Variants in EPHA3 observed in about 807,000 individuals in gnomAD.
The protein encoded by EPHA3 is EPH receptor A3.
EPHA3 carries 42 observed loss-of-function variants against 107.1 expected under a neutral mutation model. That is an observed-to-expected ratio of 0.39 (90% CI 0.31 to 0.51). The LOEUF is 0.51. EPHA3 is among the 20% of genes least tolerant of loss of function. EPHA3 has a pLI of 0.78. For synonymous variants in EPHA3, 461 were observed against 424.8 expected (o/e 1.09, Z -1.05); for missense variants, 1,183 against 1,211.2 (o/e 0.98, Z 0.35).
intron 5 of EPHA3, among the ~76,000 whole-genome samples, chr3:89,346,696 C>A (rs1707664947): frequency 6.6e-6 from 1 of 150,842 alleles, no homozygotes; most frequent in South Asian, 2.1e-4. Context: ...CTTGCCCATG[C>A]CTATGTCCTG....
At chr3:89,156,512 A>G (rs1467084131) in intron 2 of EPHA3, among the ~76,000 whole-genome samples, 1 of 151,936 alleles carries the variant, frequency 6.6e-6, no homozygotes, top group African/African-American at 2.4e-5. Context: ...CTTTTGGCAA[A>G]ATTCAGTCTA....
chr3:89,274,556 T>C (rs1017045622), intron 3 of EPHA3, among the ~76,000 whole-genome samples: 3 of 151,970 alleles, frequency 2.0e-5, no homozygotes, highest in Admixed American at 6.6e-5. Context: ...CTGAAAGCCA[T>C]AGATTTATGT....
intron 2 of EPHA3, among the ~76,000 whole-genome samples, chr3:89,206,580 A>G (rs1461842088): frequency 6.6e-6 from 1 of 152,174 alleles, no homozygotes; most frequent in Non-Finnish European, 1.5e-5. Flanking sequence ...AACCAAGGTA[A>G]TGTTACTAGA....
chr3:89,205,426 A>G (rs1232096819), intron 2 of EPHA3, among the ~76,000 whole-genome samples: 1 of 152,178 alleles, frequency 6.6e-6, no homozygotes, highest in East Asian at 1.9e-4. Flanking sequence ...CCTCCTTAGT[A>G]TCTTATACTA....
At position 89,187,006 on chromosome 3, in the gene EPHA3, T is replaced by C. The variant is rs538619777; in HGVS notation, c.154-22854T>C. Among the ~76,000 whole-genome samples the C allele has an allele frequency of 1.6e-3, 245 of 152,152 alleles. 2 individuals are homozygous for C. Among genetic ancestry groups the C allele is most frequent in the African/African-American group, 5.7e-3 (236 of 41,554 alleles). On this transcript the variant is annotated intron_variant, in intron 2 of 16. Transcript: ENST00000336596. ...TTCGTCTTCTAATAAAATAAATTTT[T>C]ATTTCAGATTTATTTTAATTATAAA...
intron 2 of EPHA3, among the ~76,000 whole-genome samples, chr3:89,183,635 AT>A (rs368282370): frequency 0.013 from 1,997 of 152,050 alleles, 41 homozygotes; most frequent in African/African-American, 0.042. Flanking sequence ...TAAAGAAACT[AT>A]TTTTTAATGA....
At chr3:89,235,959 T>C (rs1029812079) in intron 3 of EPHA3, among the ~76,000 whole-genome samples, 3 of 152,006 alleles carry the variant, frequency 2.0e-5, no homozygotes, top group African/African-American at 7.2e-5. Context: ...ACATATATAT[T>C]CAATAAACAT....
intron 2 of EPHA3, among the ~76,000 whole-genome samples, chr3:89,183,058 G>A (rs1037493961): frequency 2.6e-5 from 4 of 151,824 alleles, no homozygotes; most frequent in Admixed American, 6.6e-5. Context: ...TTGAGGACTC[G>A]GAGAGGTAAT....
chr3:89,360,347 A>G (rs2107457098), intron 5 of EPHA3, among the ~76,000 whole-genome samples: 1 of 151,122 alleles, frequency 6.6e-6, no homozygotes, highest in Admixed American at 6.6e-5. Flanking sequence ...AAATTCTTTC[A>G]CCAAACACCA....
At chr3:89,216,070 T>G (rs561991907) in intron 3 of EPHA3, among the ~76,000 whole-genome samples, 1 of 151,944 alleles carries the variant, frequency 6.6e-6, no homozygotes, top group Admixed American at 6.6e-5. Context: ...AATGTGCAAA[T>G]AGTAATTTAG....
At chr3:89,398,151 T>C (rs1680225221) in intron 6 of EPHA3, among the ~76,000 whole-genome samples, 1 of 152,200 alleles carries the variant, frequency 6.6e-6, no homozygotes, top group African/African-American at 2.4e-5. Context: ...ATTAACAGTA[T>C]ATGTAATGTA....
intron 3 of EPHA3, among the ~76,000 whole-genome samples, chr3:89,285,799 G>A (rs1326449754): frequency 6.6e-6 from 1 of 152,176 alleles, no homozygotes; most frequent in Non-Finnish European, 1.5e-5. Flanking sequence ...TCCTGGTGAT[G>A]TCAGCAGAAG....
In EPHA3 at chr3:89,479,435, A is replaced by G. The variant is rs763540505; in HGVS notation, c.2885A>G (p.Gln962Arg). 1 of 1,614,164 alleles carries G rather than the reference A, an allele frequency of 6.2e-7. No individual in the cohort carries two copies. Among genetic ancestry groups the G allele is most frequent in the East Asian group, 2.2e-5 (1 of 44,884 alleles). ...KKVGVTVVGPQKKIISSIKAL... is the reference protein window; with the variant it reads ...KKVGVTVVGPRKKIISSIKAL... Reference sequence around the variant, plus strand: ...GTTGGTGTCACCGTGGTTGGGCCACAGAAGAAGATCATCAGTAGCATTAAA... The same window carrying G: ...GTTGGTGTCACCGTGGTTGGGCCACGGAAGAAGATCATCAGTAGCATTAAA... The change falls in exon 17 of 17, where the codon CAG becomes CGG. Residue 962 changes from glutamine to arginine, a missense_variant. Transcript: ENST00000336596.
chr3:89,242,310 A>AGGGGC (rs1704916142), intron 3 of EPHA3, among the ~76,000 whole-genome samples: 1 of 152,238 alleles, frequency 6.6e-6, no homozygotes, highest in South Asian at 2.1e-4. Context: ...GGAGATACAC[A>AGGGGC]TTGATAAGAA....
intron 1 of EPHA3, among the ~76,000 whole-genome samples, chr3:89,124,837 T>A (rs1464121284): frequency 6.6e-6 from 1 of 151,974 alleles, no homozygotes; most frequent in Non-Finnish European, 1.5e-5. Flanking sequence ...GCACTAAAAA[T>A]TTAATTTCTG....
intron 2 of EPHA3, among the ~76,000 whole-genome samples, chr3:89,135,045 G>C (rs1576174010): frequency 6.6e-6 from 1 of 152,130 alleles, no homozygotes; most frequent in African/African-American, 2.4e-5. Flanking sequence ...AATTACTTTT[G>C]CACCAACTTA....
At chr3:89,388,553 G>C (rs1376642324) in intron 5 of EPHA3, among the ~76,000 whole-genome samples, 2 of 152,170 alleles carry the variant, frequency 1.3e-5, no homozygotes, top group African/African-American at 4.8e-5. Flanking sequence ...GAGATCTAGT[G>C]TTGCAGACAG....
At chr3:89,390,368 G>A (rs1394318298) in intron 5 of EPHA3, among the ~76,000 whole-genome samples, 1 of 152,048 alleles carries the variant, frequency 6.6e-6, no homozygotes, top group Non-Finnish European at 1.5e-5. Context: ...GGAGGCCAAG[G>A]CAAACAGATC....
intron 3 of EPHA3, among the ~76,000 whole-genome samples, chr3:89,248,066 A>G (rs73849215): frequency 0.034 from 5,132 of 152,232 alleles, 293 homozygotes; most frequent in African/African-American, 0.12. Flanking sequence ...TATTTTCTCA[A>G]TATATCAAGT....
Sources: gnomAD v4.1 joint callset for allele counts (sites outside exome capture counted in the v4.1 genomes callset) on GRCh38, gnomAD v4.1.1 for gene constraint, MANE v1.5 for transcripts, NCBI Gene and HGNC (gene_info 2026-07-23, HGNC 2026-07-21) for gene names.